Variants in CNTNAP2 observed in about 807,000 individuals in gnomAD.
CNTNAP2 encodes the protein contactin associated protein 2.
In CNTNAP2, 98 loss-of-function variants were observed where a neutral mutation model predicts 155.2. That is an observed-to-expected ratio of 0.63 (90% CI 0.54 to 0.75). The LOEUF (loss-of-function observed/expected upper bound fraction) is 0.75. Ranked by LOEUF, CNTNAP2 falls within the 30% of genes least tolerant of loss-of-function variation. CNTNAP2 has a pLI of 0.00. For synonymous variants in CNTNAP2, 651 were observed against 631.2 expected (o/e 1.03, Z -0.47); for missense variants, 1,727 against 1,688.1 (o/e 1.02, Z -0.40).
intron 21 of CNTNAP2, among the ~76,000 whole-genome samples, chr7:148,274,011 C>T (rs963244048): frequency 6.6e-6 from 1 of 152,142 alleles, no homozygotes; most frequent in African/African-American, 2.4e-5. Context: ...AAATCATATA[C>T]TGTGATAACC....
intron 1 of CNTNAP2, among the ~76,000 whole-genome samples, chr7:146,202,793 T>A (rs1227692404): frequency 3.3e-5 from 5 of 152,166 alleles, no homozygotes; most frequent in Non-Finnish European, 5.9e-5. Context: ...CAACTATGAT[T>A]ACAGAAAATG....
chr7:146,318,628 G>T (rs890090224), intron 1 of CNTNAP2, among the ~76,000 whole-genome samples: 18 of 152,062 alleles, frequency 1.2e-4, no homozygotes. Context: ...CAAAATGCAG[G>T]TATATGTAAA....
intron 10 of CNTNAP2, among the ~76,000 whole-genome samples, chr7:147,416,213 A>G (rs1303770534): frequency 3.3e-5 from 5 of 152,220 alleles, no homozygotes; most frequent in Non-Finnish European, 7.3e-5. Context: ...TCAGTTTCTC[A>G]ACCTGTGGCC....
At chr7:147,831,518 G>T (rs1000927166) in intron 13 of CNTNAP2, among the ~76,000 whole-genome samples, 1 of 152,184 alleles carries the variant, frequency 6.6e-6, no homozygotes, top group Admixed American at 6.5e-5. Context: ...AGCAATGCTT[G>T]CATGTAGGAG....
intron 13 of CNTNAP2, among the ~76,000 whole-genome samples, chr7:147,863,037 C>T (rs1790248233): frequency 6.6e-6 from 1 of 152,042 alleles, no homozygotes; most frequent in Non-Finnish European, 1.5e-5. Flanking sequence ...CCCATCAACT[C>T]GTCATTTATT....
At chr7:146,489,942 T>C (rs950059810) in intron 1 of CNTNAP2, among the ~76,000 whole-genome samples, 2 of 151,990 alleles carry the variant, frequency 1.3e-5, no homozygotes, top group Non-Finnish European at 1.5e-5. Context: ...GGCATGACAG[T>C]ATAAAAAACA....
At chr7:146,847,410 T>C (rs781182963) in intron 3 of CNTNAP2, among the ~76,000 whole-genome samples, 7 of 152,162 alleles carry the variant, frequency 4.6e-5, no homozygotes, top group Non-Finnish European at 1.0e-4. Context: ...CGCAGATTCT[T>C]TAAGCTTTCT....
chr7:146,253,738 G>T (rs113983045), intron 1 of CNTNAP2, among the ~76,000 whole-genome samples: 11 of 152,100 alleles, frequency 7.2e-5, no homozygotes, highest in African/African-American at 2.7e-4. Context: ...AAATTGCTTC[G>T]TCAAACTGTT....
chr7:146,655,586 A>G (rs1799983860), intron 1 of CNTNAP2, among the ~76,000 whole-genome samples: 1 of 152,130 alleles, frequency 6.6e-6, no homozygotes. Context: ...AAACAGAAAA[A>G]TGCCAATTAT....
At chr7:147,408,479 G>A (rs1358373462) in intron 10 of CNTNAP2, among the ~76,000 whole-genome samples, 3 of 152,224 alleles carry the variant, frequency 2.0e-5, no homozygotes, top group Non-Finnish European at 2.9e-5. Flanking sequence ...AGGACCTTGC[G>A]GCCGGGTGTG....
chr7:146,216,140 C>T (rs73739559), intron 1 of CNTNAP2, among the ~76,000 whole-genome samples: 4,562 of 152,184 alleles, frequency 0.03, 230 homozygotes, highest in African/African-American at 0.11. Flanking sequence ...TGGTTCATTT[C>T]CTGGCTCTTG....
intron 14 of CNTNAP2, among the ~76,000 whole-genome samples, chr7:147,975,815 T>G (rs1801418094): frequency 6.6e-6 from 1 of 152,196 alleles, no homozygotes; most frequent in African/African-American, 2.4e-5. Flanking sequence ...GAAACTTGAT[T>G]GAGTTACACA....
chr7:146,339,894 G>A (rs919447945), intron 1 of CNTNAP2, among the ~76,000 whole-genome samples: 3 of 152,130 alleles, frequency 2.0e-5, no homozygotes, highest in Non-Finnish European at 2.9e-5. Flanking sequence ...AATACAGCGG[G>A]GCATGGTGGC....
At chr7:146,955,373 A>G (rs1481087525) in intron 3 of CNTNAP2, among the ~76,000 whole-genome samples, 1 of 151,986 alleles carries the variant, frequency 6.6e-6, no homozygotes, top group Non-Finnish European at 1.5e-5. Flanking sequence ...TAGCACGAAG[A>G]CCTGCTTATA....
In CNTNAP2 at chr7:147,047,924, C is replaced by T. The variant is rs543954170; in HGVS notation, c.550+3870C>T. ...CAGTGGAGTAAGTAACTTAGCAACA[C>T]AAAATTTAAAAAGTAGCATTTCAGT... is the stretch of plus-strand genomic sequence containing the variant. On this transcript the variant is annotated intron_variant, in intron 4 of 23. Coordinates refer to ENST00000361727, the MANE Select transcript of CNTNAP2 (RefSeq NM_014141.6). Among the ~76,000 whole-genome samples the T allele has an allele frequency of 1.4e-4, 21 of 152,166 alleles. No homozygotes were observed. In the South Asian group the frequency reaches 4.4e-3, roughly 32 times the overall value.
chr7:146,627,868 C>T (rs1335181061), intron 1 of CNTNAP2, among the ~76,000 whole-genome samples: 1 of 152,054 alleles, frequency 6.6e-6, no homozygotes, highest in African/African-American at 2.4e-5. Flanking sequence ...TTACTACTTT[C>T]TTCTTTTATA....
chr7:147,072,848 C>CT lies in CNTNAP2; in HGVS notation c.550+28816dup, dbSNP rs71165064. 5.8e-3 allele frequency among the ~76,000 whole-genome samples: 545 copies of CT among 93,602 alleles called. 7 individuals carry two copies. The highest frequency in any genetic ancestry group is 8.0e-3 in the Non-Finnish European group (399 of 50,138). 61.4% of individuals were successfully genotyped at this position (93,602 alleles called of 152,430 possible). The stretch of plus-strand genomic sequence containing the variant: ...CTTTATTTCCTTTTCTTCCTTTATT[C>CT]TTTTTTTTTTTTTTTTTTTTTTGAG... On this transcript the variant is annotated intron_variant, in intron 4 of 23. Coordinates refer to ENST00000361727, the MANE Select transcript of CNTNAP2 (RefSeq NM_014141.6).
intron 12 of CNTNAP2, among the ~76,000 whole-genome samples, chr7:147,609,776 C>T (rs1407184449): frequency 6.6e-6 from 1 of 152,034 alleles, no homozygotes; most frequent in African/African-American, 2.4e-5. Flanking sequence ...TACAGGAGGA[C>T]ATCACTGGAG....
intron 12 of CNTNAP2, among the ~76,000 whole-genome samples, chr7:147,597,129 T>C (rs994638791): frequency 1.3e-5 from 2 of 152,272 alleles, no homozygotes; most frequent in East Asian, 3.9e-4. Context: ...GGAGTAGCCA[T>C]TTTTTTATGC....
Sources: gnomAD v4.1 joint callset for allele counts (sites outside exome capture counted in the v4.1 genomes callset) on GRCh38, gnomAD v4.1.1 for gene constraint, MANE v1.5 for transcripts, NCBI Gene and HGNC (gene_info 2026-07-23, HGNC 2026-07-21) for gene names.